EML6: variants seen among roughly 807,000 people sequenced by gnomAD.
EML6 encodes EMAP like 6.
EML6 carries 154 observed loss-of-function variants against 240.1 expected under a neutral mutation model. The observed-to-expected ratio is 0.64, with a 90% confidence interval of 0.56 to 0.73. The LOEUF is 0.73. Among genes scored for constraint, EML6 ranks in the 30% least tolerant of loss-of-function variants. EML6 has a pLI of 0.00. For synonymous variants in EML6, 1,148 were observed against 899.0 expected (o/e 1.28, Z -4.95); for missense variants, 2,964 against 2,474.6 (o/e 1.20, Z -4.20).
At chr2:54,816,269 C>A (rs573478295) in intron 3 of EML6, among the ~76,000 whole-genome samples, 1 of 152,236 alleles carries the variant, frequency 6.6e-6, no homozygotes, top group East Asian at 1.9e-4. Context: ...AGGTGAAGTA[C>A]CAGATTACTT....
chr2:54,939,088 C>A (rs1285949814), intron 28 of EML6, among the ~76,000 whole-genome samples: 1 of 152,198 alleles, frequency 6.6e-6, no homozygotes, highest in Non-Finnish European at 1.5e-5. Flanking sequence ...TAAATGGATT[C>A]CTTAACAACA....
At chr2:54,968,321 T>C in intron 40 of EML6, 40 bp downstream of exon 40, 1 of 1,546,018 alleles carries the variant, frequency 6.5e-7, no homozygotes, top group Non-Finnish European at 8.8e-7. Context: ...AGGTTCTCTG[T>C]TTGGCCGTCT....
rs1671111655 is a variant in EML6, at chr2:54,868,963, ATTC to A, written c.2052-216_2052-214del. The A allele has an allele frequency of 1.3e-5, 6 of 466,388 alleles. No homozygotes were observed. In the East Asian group the frequency reaches 1.9e-4, roughly 14 times the overall value. 28.9% of individuals were successfully genotyped at this position (466,388 alleles called of 1,614,324 possible). On this transcript the variant is annotated intron_variant, in intron 14 of 41. Transcript: ENST00000356458. ...ACAACAGCTGAGGATCTGCTAACAG[ATTC>A]TGTTACAATGTTCAGTGCCCATGTG...
At chr2:54,927,055 T>G (rs1397973911) in intron 26 of EML6, among the ~76,000 whole-genome samples, 1 of 152,230 alleles carries the variant, frequency 6.6e-6, no homozygotes, top group Non-Finnish European at 1.5e-5. Flanking sequence ...GTCCTCTGTT[T>G]CCATGCTTTC....
intron 29 of EML6, among the ~76,000 whole-genome samples, chr2:54,949,399 C>G (rs757580380): frequency 6.6e-6 from 1 of 152,216 alleles, no homozygotes; most frequent in Non-Finnish European, 1.5e-5. Context: ...AATCTTCACA[C>G]ACAGGAGGGA....
chr2:54,733,954 T>C (rs1683279363), intron 2 of EML6, among the ~76,000 whole-genome samples: 1 of 152,154 alleles, frequency 6.6e-6, no homozygotes, highest in African/African-American at 2.4e-5. Flanking sequence ...AAATGATTTC[T>C]TGATGCACAG....
At chr2:54,940,931 G>T (rs1573186761) in intron 28 of EML6, among the ~76,000 whole-genome samples, 1 of 152,328 alleles carries the variant, frequency 6.6e-6, no homozygotes, top group Non-Finnish European at 1.5e-5. Flanking sequence ...ACACCAAGGT[G>T]CTTTGTCAGC....
chr2:54,891,012 T>C (rs1672437681), intron 17 of EML6, 42 bp from the exon 18 acceptor site: 2 of 963,602 alleles, frequency 2.1e-6, no homozygotes, highest in African/African-American at 3.2e-5. Flanking sequence ...TGTTACTGCT[T>C]CCATCCAAAC....
rs893724358 is a variant in EML6, at chr2:54,725,405, T to C, written c.197+147T>C. On this transcript the variant is annotated intron_variant, in intron 2 of 41. Transcript: ENST00000356458. The surrounding 1 kb of genome is among the most constrained non-coding windows in gnomAD (Gnocchi z 4.3). ...ATGGAATTACTGAAGGGCTGCTGAT[T>C]CTAGGGCCAGGGCAGAAACAGTGTG... The C allele has an allele frequency of 7.0e-6, 4 of 574,934 alleles. No individual in the cohort carries two copies. The African/African-American group carries it at 7.9e-5, about 11-fold the overall frequency. The allele number at this position is 574,934 out of a possible 1,614,324, so 35.6% of individuals were successfully genotyped here. A position where few individuals can be genotyped will look rare whatever the true frequency, so the allele number is the denominator to read the frequency against.
chr2:54,790,385 G>C (rs557605877), intron 2 of EML6, among the ~76,000 whole-genome samples: 1 of 152,306 alleles, frequency 6.6e-6, no homozygotes, highest in African/African-American at 2.4e-5. Context: ...TCATTGTGGA[G>C]CGGGGAAGCA....
rs554483186 is a variant in EML6, at chr2:54,724,264, A to T, written c.-513-285A>T. Among the ~76,000 whole-genome samples, 107 of 151,982 alleles carry T rather than the reference A, an allele frequency of 7.0e-4. No individual in the cohort carries two copies. The highest frequency in any genetic ancestry group is 2.6e-3 in the African/African-American group (107 of 41,454). Reference sequence around the variant, plus strand: ...CGGAGGATATGATTATTAAACACACACATGAAAACTAATTGGAGCATCTAA... The same window carrying T: ...CGGAGGATATGATTATTAAACACACTCATGAAAACTAATTGGAGCATCTAA... On this transcript the variant is annotated intron_variant, in intron 1 of 41. Coordinates refer to ENST00000356458, the MANE Select transcript of EML6 (RefSeq NM_001039753.4). The surrounding 1 kb of genome is among the most constrained non-coding windows in gnomAD (Gnocchi z 5.2).
At chr2:54,932,322 C>T (rs879845432) in intron 28 of EML6, among the ~76,000 whole-genome samples, 7 of 152,186 alleles carry the variant, frequency 4.6e-5, no homozygotes, top group South Asian at 2.1e-4. Context: ...TCAGCTGCCA[C>T]GTGTGGTGTG....
chr2:54,945,697 C>T (rs895769217), intron 28 of EML6, among the ~76,000 whole-genome samples: 3 of 152,222 alleles, frequency 2.0e-5, no homozygotes, highest in Admixed American at 6.5e-5. Context: ...TCTGCTCCAC[C>T]TCTTGCTCTG....
At chr2:54,836,514 C>A (rs1669151569) in intron 7 of EML6, among the ~76,000 whole-genome samples, 1 of 152,180 alleles carries the variant, frequency 6.6e-6, no homozygotes, top group Non-Finnish European at 1.5e-5. Context: ...ATAGGCAGTC[C>A]ACGCTTAGGA....
At chr2:54,856,590 G>A (rs1282305727) in intron 11 of EML6, among the ~76,000 whole-genome samples, 1 of 152,188 alleles carries the variant, frequency 6.6e-6, no homozygotes, top group Non-Finnish European at 1.5e-5. Flanking sequence ...GCTGGTGCTG[G>A]CCTTCCATAT....
chr2:54,941,179 C>G (rs542599799), intron 28 of EML6, among the ~76,000 whole-genome samples: 1 of 152,148 alleles, frequency 6.6e-6, no homozygotes, highest in Non-Finnish European at 1.5e-5. Context: ...TACATAGTTT[C>G]AATATTTTCA....
chr2:54,943,886 C>G (rs574324493), intron 28 of EML6, among the ~76,000 whole-genome samples: 12 of 152,244 alleles, frequency 7.9e-5, no homozygotes, highest in African/African-American at 2.4e-4. Flanking sequence ...TAGCACAATT[C>G]AAACTTTTGA....
chr2:54,744,826 C>G (rs1485846670), intron 2 of EML6, among the ~76,000 whole-genome samples: 2 of 151,566 alleles, frequency 1.3e-5, no homozygotes, highest in African/African-American at 4.9e-5. Flanking sequence ...GAGACCTTGC[C>G]TATTCAGGTG....
rs1672440680 is a variant in EML6 at position 54,891,058 on chromosome 2, CATAAAG to C, written c.2448_2453del (p.Asp817_Lys818del). On this transcript the variant is annotated inframe_deletion, in exon 18 of 42. Transcript: ENST00000356458. Reference sequence around the variant, plus strand: ...TTTCCTATTTGTCTCTTACAGAGGACATAAAGATAAGATATTTGTGGTAAAGTGTAA... The same window carrying C: ...TTTCCTATTTGTCTCTTACAGAGGACATAAGATATTTGTGGTAAAGTGTAA... 4.8e-6 allele frequency: 7 copies of C among 1,445,666 alleles called. No homozygotes were observed. Among genetic ancestry groups the C allele is most frequent in the Non-Finnish European group, 6.6e-6 (7 of 1,061,860 alleles). The allele number at this position is 1,445,666 out of a possible 1,614,324, so 89.6% of individuals were successfully genotyped here.
Sources: gnomAD v4.1 joint callset for allele counts (sites outside exome capture counted in the v4.1 genomes callset) on GRCh38, gnomAD v4.1.1 for gene constraint, Gnocchi (gnomAD v3.1) non-coding constraint, MANE v1.5 for transcripts, NCBI Gene and HGNC (gene_info 2026-07-23, HGNC 2026-07-21) for gene names.